PHF2: variants seen among roughly 807,000 people sequenced by gnomAD.
PHF2 encodes lysine-specific demethylase PHF2.
In PHF2, 27 loss-of-function variants were observed where a neutral mutation model predicts 120.5. That is an observed-to-expected ratio of 0.22 (90% CI 0.17 to 0.31). The LOEUF is 0.31. Among genes scored for constraint, PHF2 ranks in the 10% least tolerant of loss-of-function variants. The pLI, the probability that PHF2 is intolerant of heterozygous loss-of-function variation, is 1.00. For synonymous variants in PHF2, 568 were observed against 592.5 expected (o/e 0.96, Z 0.60); for missense variants, 1,024 against 1,434.8 (o/e 0.71, Z 4.63).
At chr9:93,579,062 T>A (rs547614376) in intron 1 of PHF2, among the ~76,000 whole-genome samples, 6 of 152,320 alleles carry the variant, frequency 3.9e-5, no homozygotes, top group Admixed American at 2.0e-4. Context: ...AGGTGTGTGA[T>A]GGGGAGGACA....
chr9:93,617,793 G>A (rs1490915179), intron 1 of PHF2, among the ~76,000 whole-genome samples: 1 of 152,190 alleles, frequency 6.6e-6, no homozygotes, highest in Non-Finnish European at 1.5e-5. Flanking sequence ...GATCCAGCAC[G>A]GGAGAAAGAT....
intron 1 of PHF2, among the ~76,000 whole-genome samples, chr9:93,602,247 CTTTT>C (rs67001312): frequency 8.8e-5 from 7 of 79,678 alleles, no homozygotes; most frequent in Non-Finnish European, 1.1e-4. Context: ...CCTAGAGATT[CTTTT>C]TTTTTTTTTT....
Position 93,673,819 on chromosome 9 carries a change from A to G in PHF2, c.2583A>G (p.Glu861=). 6.2e-7 allele frequency: 1 copy of G among 1,608,268 alleles called. No individual in the cohort carries two copies. The highest frequency in any genetic ancestry group is 2.2e-5 in the East Asian group (1 of 44,682). The change falls in exon 18 of 22, where the codon GAA becomes GAG. Residue 861 remains glutamate (E), a synonymous_variant. Coordinates refer to ENST00000359246, the MANE Select transcript of PHF2 (RefSeq NM_005392.4). The part of the protein sequence containing the change: ...KNSVDLDDYE[E]EQDHLDACFK... Reference sequence around the variant, plus strand: ...GTGTCGACCTGGACGACTACGAGGAAGAGCAGGACCACCTGGATGCCTGCT... The same window carrying G: ...GTGTCGACCTGGACGACTACGAGGAGGAGCAGGACCACCTGGATGCCTGCT...
intron 2 of PHF2, among the ~76,000 whole-genome samples, chr9:93,631,468 A>G (rs995305991): frequency 1.3e-5 from 2 of 152,250 alleles, no homozygotes; most frequent in Non-Finnish European, 2.9e-5. Flanking sequence ...CCTGGTCCCC[A>G]GTAGTTGGCT....
At chr9:93,592,437 T>C (rs1285581805) in intron 1 of PHF2, among the ~76,000 whole-genome samples, 1 of 152,164 alleles carries the variant, frequency 6.6e-6, no homozygotes, top group Non-Finnish European at 1.5e-5. Context: ...CCATAGGTTC[T>C]TGGTGAAGTT....
chr9:93,602,863 C>T (rs1444313660), intron 1 of PHF2, among the ~76,000 whole-genome samples: 3 of 152,136 alleles, frequency 2.0e-5, no homozygotes, highest in Non-Finnish European at 4.4e-5. Context: ...TGTGGCCTAG[C>T]CTCAGGGCAG....
Position 93,674,919 on chromosome 9 carries a change from C to T in PHF2, c.2627-8C>T, listed in dbSNP as rs1333238334. 2 of 1,610,796 alleles carry T rather than the reference C, an allele frequency of 1.2e-6. No individual in the cohort carries two copies. Among genetic ancestry groups the T allele is most frequent in the South Asian group, 2.2e-5 (2 of 91,032 alleles). On this transcript the variant is annotated splice_polypyrimidine_tract_variant and splice_region_variant and intron_variant, in intron 18 of 21. Coordinates refer to ENST00000359246, the MANE Select transcript of PHF2 (RefSeq NM_005392.4). ...AGCGGGCCACGCCTTCCCTCTGCCT[C>T]CCTCTAGTTTACCCCTCACTGGAGT... is the stretch of plus-strand genomic sequence containing the variant.
intron 19 of PHF2, 64 bp downstream of exon 19, chr9:93,675,086 G>C: frequency 3.0e-6 from 4 of 1,318,432 alleles, no homozygotes; most frequent in Non-Finnish European, 4.4e-6. Context: ...GACTTTGTCT[G>C]TGGTCCCTCC....
At chr9:93,658,297 C>T (rs1587711526) in intron 10 of PHF2, 61 bp downstream of exon 10, 4 of 1,260,516 alleles carry the variant, frequency 3.2e-6, no homozygotes, top group East Asian at 4.8e-5. Context: ...GAGGACCTCC[C>T]TGGAGACCCA....
At chr9:93,611,599 C>T (rs986834734) in intron 1 of PHF2, among the ~76,000 whole-genome samples, 5 of 152,170 alleles carry the variant, frequency 3.3e-5, no homozygotes. Context: ...TAGCTTCGAA[C>T]TCCTGGGCTC....
At position 93,657,976 on chromosome 9, in the gene PHF2, C is replaced by T. The variant is rs562920758; in HGVS notation, c.1148-169C>T. ...CAGGGCAGGCCACCAGGAGGATGGG[C>T]GCCCCCAGGTTCCAAGAGGAACTGT... On this transcript the variant is annotated intron_variant, in intron 9 of 21. Transcript: ENST00000359246. 7.2e-5 allele frequency among the ~76,000 whole-genome samples: 11 copies of T among 152,122 alleles called. No homozygotes were observed. In the South Asian group the frequency reaches 2.1e-3, roughly 29 times the overall value.
At chr9:93,641,828 T>G (rs10992821) in intron 3 of PHF2, among the ~76,000 whole-genome samples, 3,063 of 152,330 alleles carry the variant, frequency 0.02, 72 homozygotes, top group East Asian at 0.1. Flanking sequence ...GCTTGTGCTT[T>G]TGGTATCACT....
intron 1 of PHF2, among the ~76,000 whole-genome samples, chr9:93,591,017 G>T (rs181853928): frequency 1.3e-5 from 2 of 152,246 alleles, no homozygotes; most frequent in African/African-American, 4.8e-5. Flanking sequence ...GCCATACTTG[G>T]CCTGGTTAGG....
intron 1 of PHF2, among the ~76,000 whole-genome samples, chr9:93,621,143 T>A (rs1161349067): frequency 6.6e-6 from 1 of 152,226 alleles, no homozygotes; most frequent in Non-Finnish European, 1.5e-5. Flanking sequence ...GCAGGGGATC[T>A]GGCCTGGATC....
intron 13 of PHF2, 143 bp downstream of exon 13, chr9:93,663,169 G>C: frequency 8.6e-7 from 1 of 1,161,726 alleles, no homozygotes; most frequent in Non-Finnish European, 1.2e-6. Context: ...TGTGGGGTGT[G>C]CTTACGTGGG....
chr9:93,663,477 CTG>C, intron 13 of PHF2, 38 bp from the exon 14 acceptor site: 6 of 1,268,578 alleles, frequency 4.7e-6, no homozygotes, highest in Non-Finnish European at 5.7e-6. Flanking sequence ...CCCCCCACTT[CTG>C]TGTGGGGCTC....
intron 1 of PHF2, among the ~76,000 whole-genome samples, chr9:93,583,522 C>T (rs1862972345): frequency 6.6e-6 from 1 of 152,038 alleles, no homozygotes; most frequent in African/African-American, 2.4e-5. Flanking sequence ...ATTTTAAATT[C>T]TCCTCAGCAA....
intron 1 of PHF2, among the ~76,000 whole-genome samples, chr9:93,622,904 G>T (rs1452986785): frequency 1.3e-5 from 2 of 152,196 alleles, no homozygotes; most frequent in African/African-American, 4.8e-5. Flanking sequence ...CTGCCTGAGG[G>T]TCAGCACCAA....
chr9:93,588,547 A>C (rs1863105718), intron 1 of PHF2, among the ~76,000 whole-genome samples: 1 of 152,152 alleles, frequency 6.6e-6, no homozygotes, highest in Non-Finnish European at 1.5e-5. Flanking sequence ...GCCCAGCCTT[A>C]CTGAAGCTGC....
Sources: allele counts gnomAD v4.1 joint callset (sites outside exome capture counted in the v4.1 genomes callset), GRCh38; gene constraint gnomAD v4.1.1; transcripts MANE v1.5; gene names NCBI Gene and HGNC (gene_info 2026-07-23, HGNC 2026-07-21).